Variants in RPS6KC1 observed in about 807,000 individuals in gnomAD.
The protein encoded by RPS6KC1 is inactive ribosomal protein S6 kinase delta-1.
In RPS6KC1, 54 loss-of-function variants were observed where a neutral mutation model predicts 103.8. That is an observed-to-expected ratio of 0.52 (90% CI 0.42 to 0.65). RPS6KC1 has a LOEUF of 0.65. RPS6KC1 is among the 30% of genes least tolerant of loss of function. RPS6KC1 has a pLI of 0.00. For missense variants in RPS6KC1, 1,151 were observed against 1,253.8 expected, an observed-to-expected ratio of 0.92 and a Z score of 1.24; for synonymous variants, 439 against 438.7, an observed-to-expected ratio of 1.00 and a Z score of -0.01.
the RPS6KC1 span, among the ~76,000 whole-genome samples, chr1:213,670,369 G>C: frequency 6.6e-6 from 1 of 152,202 alleles, no homozygotes; most frequent in Non-Finnish European, 1.5e-5. Flanking sequence ...CTAGGGGCCT[G>C]TTTTGCTGGA....
At chr1:213,226,468 G>A (rs924061513) in intron 8 of RPS6KC1, among the ~76,000 whole-genome samples, 1 of 152,174 alleles carries the variant, frequency 6.6e-6, no homozygotes, top group African/African-American at 2.4e-5. Context: ...GCTATGGAGA[G>A]AATAAGTCTA....
At chr1:213,133,727 T>C (rs1223659123) in intron 6 of RPS6KC1, among the ~76,000 whole-genome samples, 3 of 152,138 alleles carry the variant, frequency 2.0e-5, no homozygotes, top group African/African-American at 7.2e-5. Context: ...CCCTGTTTTA[T>C]AGGTGGAGAA....
At chr1:213,359,812 A>G in the RPS6KC1 span, among the ~76,000 whole-genome samples, 1 of 152,148 alleles carries the variant, frequency 6.6e-6, no homozygotes, top group African/African-American at 2.4e-5. Flanking sequence ...TCCTTCACTT[A>G]TGAAACTTAG....
At chr1:213,618,544 T>G in the RPS6KC1 span, among the ~76,000 whole-genome samples, 1 of 152,224 alleles carries the variant, frequency 6.6e-6, no homozygotes, top group African/African-American at 2.4e-5. Flanking sequence ...TGGTAACCAT[T>G]ATTATGCAAA....
At chr1:213,687,862 C>A in the RPS6KC1 span, among the ~76,000 whole-genome samples, 2 of 152,246 alleles carry the variant, frequency 1.3e-5, no homozygotes, top group African/African-American at 4.8e-5. Flanking sequence ...GCTTAGTGGT[C>A]GCTCTTTGAA....
the RPS6KC1 span, among the ~76,000 whole-genome samples, chr1:213,373,333 A>G: frequency 3.3e-5 from 5 of 152,344 alleles, no homozygotes; most frequent in African/African-American, 1.2e-4. Context: ...ACCAGGACAT[A>G]TTTAGAGCAC....
At chr1:213,284,388 C>G in the RPS6KC1 span, among the ~76,000 whole-genome samples, 1 of 151,968 alleles carries the variant, frequency 6.6e-6, no homozygotes, top group Non-Finnish European at 1.5e-5. Flanking sequence ...TGGTGCACAC[C>G]TGTAATCTCA....
the RPS6KC1 span, among the ~76,000 whole-genome samples, chr1:213,655,488 A>C: frequency 2.6e-4 from 40 of 152,348 alleles, no homozygotes; most frequent in African/African-American, 9.1e-4. Context: ...CCTCTCCTTC[A>C]TCCATTATCC....
chr1:213,846,548 T>C, the RPS6KC1 span, among the ~76,000 whole-genome samples: 1 of 152,278 alleles, frequency 6.6e-6, no homozygotes, highest in East Asian at 1.9e-4. Flanking sequence ...CTGAAGCCAA[T>C]TTCTTTTAGT....
At chr1:213,360,720 G>A in the RPS6KC1 span, among the ~76,000 whole-genome samples, 1 of 152,174 alleles carries the variant, frequency 6.6e-6, no homozygotes, top group Non-Finnish European at 1.5e-5. Context: ...TGATGGTGAT[G>A]TGCAGATGGG....
chr1:213,569,129 G>A, the RPS6KC1 span, among the ~76,000 whole-genome samples: 3 of 152,154 alleles, frequency 2.0e-5, no homozygotes, highest in African/African-American at 7.2e-5. Flanking sequence ...CCCTTTGGCT[G>A]TGCTTTTCCT....
At chr1:213,187,752 T>C (rs971812560) in intron 8 of RPS6KC1, among the ~76,000 whole-genome samples, 5 of 152,102 alleles carry the variant, frequency 3.3e-5, no homozygotes, top group Admixed American at 6.6e-5. Context: ...TTCTTGTGGG[T>C]ATATTTTATG....
the RPS6KC1 span, among the ~76,000 whole-genome samples, chr1:213,605,397 CT>C: frequency 6.6e-6 from 1 of 152,198 alleles, no homozygotes; most frequent in Non-Finnish European, 1.5e-5. Flanking sequence ...CACAGTGCTT[CT>C]TTTTATCCTA....
the RPS6KC1 span, among the ~76,000 whole-genome samples, chr1:213,823,831 T>C: frequency 6.6e-6 from 1 of 152,046 alleles, no homozygotes; most frequent in African/African-American, 2.4e-5. Context: ...AGCACTGTTC[T>C]AAACTTTTTA....
At chr1:213,217,698 G>A (rs1217237845) in intron 8 of RPS6KC1, among the ~76,000 whole-genome samples, 2 of 152,098 alleles carry the variant, frequency 1.3e-5, no homozygotes, top group East Asian at 1.9e-4. Flanking sequence ...TTCATCCCTG[G>A]GATGCAAGGC....
chr1:213,644,554 CTACTAATCTTTT>C, the RPS6KC1 span, among the ~76,000 whole-genome samples: 1 of 151,684 alleles, frequency 6.6e-6, no homozygotes, highest in Non-Finnish European at 1.5e-5. Flanking sequence ...ACCCTGGCAA[CTACTAATCTTTT>C]TACTGTCTCC....
chr1:213,312,497 A>T, the RPS6KC1 span, among the ~76,000 whole-genome samples: 1 of 152,290 alleles, frequency 6.6e-6, no homozygotes, highest in East Asian at 1.9e-4. Context: ...CCCCTTCTCC[A>T]CAACAGAACT....
chr1:213,717,380 A>G, the RPS6KC1 span, among the ~76,000 whole-genome samples: 1 of 152,362 alleles, frequency 6.6e-6, no homozygotes, highest in South Asian at 2.1e-4. Context: ...AAAAGTTGAC[A>G]AGGCAAACAA....
chr1:213,584,119 T>G, the RPS6KC1 span, among the ~76,000 whole-genome samples: 4 of 152,144 alleles, frequency 2.6e-5, no homozygotes, highest in Non-Finnish European at 4.4e-5. Flanking sequence ...TTCAAGCAGT[T>G]TCCCCTTTCG....
Sources: allele counts gnomAD v4.1 joint callset (sites outside exome capture counted in the v4.1 genomes callset), GRCh38; gene constraint gnomAD v4.1.1; transcripts MANE v1.5; gene names NCBI Gene and HGNC (gene_info 2026-07-23, HGNC 2026-07-21).